Variants in IL1R1 observed in about 807,000 individuals in gnomAD.
IL1R1 encodes interleukin-1 receptor type 1.
IL1R1 carries 22 observed loss-of-function variants against 50.2 expected under a neutral mutation model. The ratio of observed to expected loss-of-function variants is 0.44; its 90% CI spans 0.31 to 0.63. The LOEUF is 0.63. IL1R1 is among the 20% of genes least tolerant of loss of function. IL1R1 has a pLI of 0.07. For missense variants in IL1R1, 509 were observed against 676.2 expected (o/e 0.75, Z 2.74); for synonymous variants, 251 against 236.7 (o/e 1.06, Z -0.55).
rs1011114427 is a variant in IL1R1 at position 102,168,754 on chromosome 2, C to G, written c.721+91C>G. The G allele has an allele frequency of 6.9e-6, 6 of 873,932 alleles. No individual in the cohort carries two copies. The Admixed American group carries it at 9.5e-5, about 14-fold the overall frequency. The allele number at this position is 873,932 out of a possible 1,614,324, so 54.1% of individuals were successfully genotyped here. A position where few individuals can be genotyped will look rare whatever the true frequency, so the allele number is the denominator to read the frequency against. ...AAATTGTATCTTTACTATATATAAT[C>G]TAAGCCATTTACTGTATAAATCTAT... On this transcript the variant is annotated intron_variant, in intron 7 of 11. Transcript: ENST00000410023.
At chr2:102,113,389 T>C (rs1680886483) in intron 1 of IL1R1, among the ~76,000 whole-genome samples, 1 of 152,214 alleles carries the variant, frequency 6.6e-6, no homozygotes, top group Admixed American at 6.5e-5. Flanking sequence ...GTCTTAACCA[T>C]GAGTCTCTTC....
At chr2:102,080,018 C>A (rs941463753) in intron 1 of IL1R1, among the ~76,000 whole-genome samples, 1 of 152,080 alleles carries the variant, frequency 6.6e-6, no homozygotes, top group Non-Finnish European at 1.5e-5. Flanking sequence ...GGTGATGGGA[C>A]ATCTGGATAT....
At chr2:102,167,279 A>C (rs1685261222) in intron 6 of IL1R1, among the ~76,000 whole-genome samples, 1 of 152,096 alleles carries the variant, frequency 6.6e-6, no homozygotes, top group Non-Finnish European at 1.5e-5. Context: ...GGCATCAGTG[A>C]ATCCCAATTT....
chr2:102,099,257 A>G (rs1680033981), intron 1 of IL1R1, among the ~76,000 whole-genome samples: 1 of 152,164 alleles, frequency 6.6e-6, no homozygotes, highest in African/African-American at 2.4e-5. Context: ...TTGATTTGTC[A>G]TGAGGGCAAA....
chr2:102,134,262 G>GGGTTCTC (rs1553629503), intron 1 of IL1R1, among the ~76,000 whole-genome samples: 1 of 151,680 alleles, frequency 6.6e-6, no homozygotes, highest in African/African-American at 2.4e-5. Context: ...GTTCTTGTCG[G>GGGTTCTC]TGCACTCAAC....
chr2:102,107,335 C>T (rs1368175729), intron 1 of IL1R1, among the ~76,000 whole-genome samples: 2 of 152,108 alleles, frequency 1.3e-5, no homozygotes, highest in East Asian at 1.9e-4. Context: ...AGTTCATGTC[C>T]TTTGTAGGGA....
At chr2:102,076,130 A>T (rs1414274793) in intron 1 of IL1R1, among the ~76,000 whole-genome samples, 1 of 151,998 alleles carries the variant, frequency 6.6e-6, no homozygotes, top group Non-Finnish European at 1.5e-5. Flanking sequence ...AATTAATAAA[A>T]ATATCTTACT....
intron 1 of IL1R1, among the ~76,000 whole-genome samples, chr2:102,114,948 G>A (rs1225201963): frequency 1.3e-5 from 2 of 152,156 alleles, no homozygotes; most frequent in African/African-American, 2.4e-5. Flanking sequence ...AGTCTGCCAC[G>A]TCAGTGCTGA....
chr2:102,129,112 G>A (rs1203281951), intron 1 of IL1R1, among the ~76,000 whole-genome samples: 7 of 152,158 alleles, frequency 4.6e-5, no homozygotes, highest in African/African-American at 1.7e-4. Context: ...TTGGGAGGCT[G>A]AGGTGAGAGG....
In IL1R1 at chr2:102,176,878, T is replaced by C; in HGVS notation, c.*119T>C. The C allele has an allele frequency of 1.1e-6, 1 of 944,112 alleles. No individual in the cohort carries two copies. The highest frequency in any genetic ancestry group is 2.3e-4 in the Middle Eastern group (1 of 4,358). 58.5% of individuals were successfully genotyped at this position (944,112 alleles called of 1,614,324 possible). On this transcript the variant is annotated 3_prime_UTR_variant, in exon 12 of 12. Coordinates refer to ENST00000410023, the MANE Select transcript of IL1R1 (RefSeq NM_000877.4). ...ATGTAACTATATCATCCTTTATCCC[T>C]GAGGTCACCTGGAATCAGATTATTA...
chr2:102,124,098 C>A (rs1681554926), intron 1 of IL1R1, among the ~76,000 whole-genome samples: 2 of 152,018 alleles, frequency 1.3e-5, no homozygotes, highest in South Asian at 4.2e-4. Flanking sequence ...GGGTGGACAC[C>A]TGTATTAGTC....
chr2:102,129,027 C>A (rs1359082307), intron 1 of IL1R1, among the ~76,000 whole-genome samples: 1 of 151,964 alleles, frequency 6.6e-6, no homozygotes, highest in Non-Finnish European at 1.5e-5. Context: ...CATAGCAAGA[C>A]CCTGTCTCTA....
intron 1 of IL1R1, among the ~76,000 whole-genome samples, chr2:102,144,846 G>T (rs1682982401): frequency 6.6e-6 from 1 of 152,150 alleles, no homozygotes; most frequent in South Asian, 2.1e-4. Flanking sequence ...AGAATCGCAG[G>T]GCTGCTATTC....
intron 1 of IL1R1, among the ~76,000 whole-genome samples, chr2:102,076,191 T>C (rs943678677): frequency 1.3e-5 from 2 of 151,958 alleles, no homozygotes; most frequent in South Asian, 4.2e-4. Context: ...TTTTTTTTTT[T>C]TTTTGAGATG....
intron 1 of IL1R1, among the ~76,000 whole-genome samples, chr2:102,115,986 C>G (rs1031911600): frequency 6.6e-6 from 1 of 152,094 alleles, no homozygotes; most frequent in African/African-American, 2.4e-5. Flanking sequence ...TTGCAGCAAA[C>G]GGCAAATAGG....
intron 1 of IL1R1, among the ~76,000 whole-genome samples, chr2:102,112,432 C>T (rs1383093600): frequency 6.6e-6 from 1 of 151,810 alleles, no homozygotes; most frequent in Non-Finnish European, 1.5e-5. Context: ...TCCATGGACA[C>T]AGGAACATCT....
intron 1 of IL1R1, among the ~76,000 whole-genome samples, chr2:102,116,979 A>G (rs1473598548): frequency 6.6e-6 from 1 of 152,190 alleles, no homozygotes; most frequent in African/African-American, 2.4e-5. Flanking sequence ...ATAAGTGGAG[A>G]AGGAAAAAAT....
At chr2:102,105,452 C>T (rs1680350900) in intron 1 of IL1R1, among the ~76,000 whole-genome samples, 1 of 152,158 alleles carries the variant, frequency 6.6e-6, no homozygotes, top group African/African-American at 2.4e-5. Flanking sequence ...GCAACCTCCG[C>T]CTCCCAGGTT....
rs907314618 is a variant in IL1R1 at position 102,111,044 on chromosome 2, G to A, written c.-84+6172G>A. Among the ~76,000 whole-genome samples, 9 of 152,188 alleles carry A rather than the reference G, an allele frequency of 5.9e-5. 1 individual carries two copies. The highest frequency in any genetic ancestry group is 4.6e-4 in the Admixed American group (7 of 15,278). On this transcript the variant is annotated intron_variant, in intron 1 of 10. Coordinates refer to the IL1R1 transcript ENST00000409329. ...AAAAACCCAGCATGAGAAGCAGAAA[G>A]CAGCTCTATGTATGGCCAATGAAGA...
Sources: allele counts gnomAD v4.1 joint callset (sites outside exome capture counted in the v4.1 genomes callset), GRCh38; gene constraint gnomAD v4.1.1; transcripts MANE v1.5; gene names NCBI Gene and HGNC (gene_info 2026-07-23, HGNC 2026-07-21).